TRPC6: variants seen among roughly 807,000 people sequenced by gnomAD.
The protein encoded by TRPC6 is transient receptor potential cation channel subfamily C member 6.
A neutral mutation model predicts 90.7 loss-of-function variants in TRPC6; 55 were observed. That is an observed-to-expected ratio of 0.61 (90% CI 0.49 to 0.76). The LOEUF (loss-of-function observed/expected upper bound fraction) is 0.76, where lower values mean the gene tolerates loss of function less well. TRPC6 is among the 30% of genes least tolerant of loss of function. TRPC6 has a pLI of 0.00. For synonymous variants in TRPC6, 393 were observed against 393.0 expected (o/e 1.00, Z 0.00); for missense variants, 989 against 1,122.7 (o/e 0.88, Z 1.70).
In TRPC6 at chr11:101,476,306, T is replaced by C. The variant is rs201304687; in HGVS notation, c.1739A>G (p.Asn580Ser). 7.4e-6 allele frequency: 12 copies of C among 1,613,790 alleles called. No homozygotes were observed. The highest frequency in any genetic ancestry group is 9.3e-6 in the Non-Finnish European group (11 of 1,179,718). Residue 580 changes from asparagine (N) to serine (S), a missense_variant, in exon 6 of 13, where the codon AAT becomes AGT. Physicochemically the swap from Asn to Ser is conservative, Grantham distance 46. Coordinates refer to ENST00000344327, the MANE Select transcript of TRPC6 (RefSeq NM_004621.6). ...VTLGDNVKYY[N>S]LARIKWDPSD... ...TGACTGTACTGTAAACTCACCCAAA[T>C]TGTAGTATTTCACATTGTCTCCCAA... is the stretch of plus-strand genomic sequence containing the variant.
chr11:101,527,557 G>T (rs995492545), intron 1 of TRPC6, among the ~76,000 whole-genome samples: 2 of 152,086 alleles, frequency 1.3e-5, no homozygotes, highest in African/African-American at 2.4e-5. Context: ...TGTGTGGTTG[G>T]GGGGTGGTGT....
chr11:101,472,048 A>G (rs1433000316), intron 8 of TRPC6, 89 bp downstream of exon 8: 7 of 1,289,106 alleles, frequency 5.4e-6, no homozygotes, highest in Admixed American at 5.1e-5. Context: ...GGCGAAGAGC[A>G]GTCCATGCTT....
intron 1 of TRPC6, among the ~76,000 whole-genome samples, chr11:101,571,781 A>G (rs1432231153): frequency 1.3e-5 from 2 of 152,226 alleles, no homozygotes; most frequent in Non-Finnish European, 2.9e-5. Context: ...AGGATTCCCT[A>G]TTTAATAAAT....
chr11:101,555,314 C>T (rs1216192449), intron 1 of TRPC6, among the ~76,000 whole-genome samples: 1 of 152,220 alleles, frequency 6.6e-6, no homozygotes, highest in African/African-American at 2.4e-5. Context: ...TTCTTTTCAA[C>T]TTTGCCACAT....
intron 1 of TRPC6, among the ~76,000 whole-genome samples, chr11:101,560,008 A>G (rs575261926): frequency 5.9e-5 from 9 of 152,196 alleles, no homozygotes; most frequent in Middle Eastern, 3.4e-3. Context: ...TGAAAAAGTA[A>G]TATCTGTCAG....
chr11:101,536,410 A>G (rs912209722), intron 1 of TRPC6, among the ~76,000 whole-genome samples: 1 of 45,552 alleles, frequency 2.2e-5, no homozygotes, highest in Non-Finnish European at 5.9e-5. Context: ...CCCCCCCACC[A>G]AAAAAAAAGA....
chr11:101,525,628 G>A (rs1006787169), intron 1 of TRPC6, among the ~76,000 whole-genome samples: 6 of 152,300 alleles, frequency 3.9e-5, no homozygotes, highest in East Asian at 3.9e-4. Flanking sequence ...AAGAGAGAAC[G>A]TAACACGTTT....
At chr11:101,488,830 T>C (rs1006859072) in intron 4 of TRPC6, 107 bp downstream of exon 4, 2 of 1,264,924 alleles carry the variant, frequency 1.6e-6, no homozygotes, top group African/African-American at 1.5e-5. Flanking sequence ...TAAAGATTAC[T>C]GAAACCCAAC....
intron 1 of TRPC6, among the ~76,000 whole-genome samples, chr11:101,581,251 C>G (rs1205181329): frequency 6.6e-6 from 1 of 152,156 alleles, no homozygotes; most frequent in Non-Finnish European, 1.5e-5. Flanking sequence ...GGAATATTCA[C>G]TAAATACTGC....
Position 101,452,818 on chromosome 11 carries a change from C to T in TRPC6, c.*137G>A. On this transcript the variant is annotated 3_prime_UTR_variant, in exon 13 of 13. Coordinates refer to ENST00000344327, the MANE Select transcript of TRPC6 (RefSeq NM_004621.6). ...CCAAAAAAATTAGATACTAGGGCTC[C>T]AGATGATAGGATGGCCCAAGTTATT... The T allele has an allele frequency of 1.0e-6, 1 of 980,394 alleles. No individual in the cohort carries two copies. Among genetic ancestry groups the T allele is most frequent in the African/African-American group, 1.6e-5 (1 of 61,244 alleles). The allele number at this position is 980,394 out of a possible 1,614,324, so 60.7% of individuals were successfully genotyped here.
chr11:101,513,530 A>C (rs889798139), intron 1 of TRPC6, among the ~76,000 whole-genome samples: 2 of 152,174 alleles, frequency 1.3e-5, no homozygotes, highest in African/African-American at 4.8e-5. Context: ...AAAGATTTTA[A>C]ACTACTAGAG....
rs767327382 is a variant in TRPC6 at position 101,583,381 on chromosome 11, G to C, written c.123C>G (p.Asp41Glu). The C allele has an allele frequency of 1.3e-6, 2 of 1,593,290 alleles. No homozygotes were observed. Among genetic ancestry groups the C allele is most frequent in the East Asian group, 2.3e-5 (1 of 43,576 alleles). Residue 41 changes from aspartate (D) to glutamate (E), a missense_variant, in exon 1 of 13, where the codon GAC (aspartate) becomes GAG (glutamate). This residue lies in a region of TRPC6 where 194 missense variants were observed against 136.5 expected (regional missense o/e 1.42). Coordinates refer to ENST00000344327, the MANE Select transcript of TRPC6 (RefSeq NM_004621.6). ...AAGGCAGCGGGGCTTGCGGGCAGCC[G>C]TCTTCTCCCAGCTCCGAGTCCATGA... is the stretch of plus-strand genomic sequence containing the variant. ...YLLMDSELGE[D>E]GCPQAPLPCY...
At chr11:101,493,133 G>A (rs1388147962) in intron 2 of TRPC6, among the ~76,000 whole-genome samples, 3 of 152,038 alleles carry the variant, frequency 2.0e-5, no homozygotes, top group Non-Finnish European at 4.4e-5. Context: ...ATAACCAAAT[G>A]CTAATCAAGA....
At chr11:101,491,836 CTTTTT>C (rs71056611) in intron 2 of TRPC6, 98 bp from the exon 3 acceptor site, 725 of 443,364 alleles carry the variant, frequency 1.6e-3, no homozygotes, top group East Asian at 3.5e-3. Context: ...GAGAAACATT[CTTTTT>C]TTTTTTTTTT....
At chr11:101,538,508 TGCCTTAATCCCTGG>T (rs1261324962) in intron 1 of TRPC6, among the ~76,000 whole-genome samples, 2 of 152,202 alleles carry the variant, frequency 1.3e-5, no homozygotes, top group Non-Finnish European at 1.5e-5. Flanking sequence ...AAGATGTCTG[TGCCTTAATCCCTGG>T]AACCTGTAAG....
At chr11:101,486,945 A>C (rs1859691752) in intron 4 of TRPC6, among the ~76,000 whole-genome samples, 1 of 152,160 alleles carries the variant, frequency 6.6e-6, no homozygotes, top group Non-Finnish European at 1.5e-5. Flanking sequence ...ATAGGAGAAA[A>C]AAAATACCTT....
intron 2 of TRPC6, among the ~76,000 whole-genome samples, chr11:101,501,784 A>T (rs867038707): frequency 6.6e-6 from 1 of 152,316 alleles, no homozygotes; most frequent in Middle Eastern, 3.4e-3. Context: ...CTCCTTGTGC[A>T]GTAATTTTGA....
At chr11:101,520,340 G>A (rs747081592) in intron 1 of TRPC6, among the ~76,000 whole-genome samples, 10 of 152,110 alleles carry the variant, frequency 6.6e-5, no homozygotes, top group East Asian at 5.8e-4. Context: ...CTCCTCAGCC[G>A]TGTTCCCTGT....
At chr11:101,511,256 C>T (rs528878306) in intron 1 of TRPC6, among the ~76,000 whole-genome samples, 2 of 152,268 alleles carry the variant, frequency 1.3e-5, no homozygotes, top group South Asian at 4.1e-4. Context: ...ACTACTTAAT[C>T]TCTGGGCACA....
Sources: allele counts gnomAD v4.1 joint callset (sites outside exome capture counted in the v4.1 genomes callset), GRCh38; gene constraint gnomAD v4.1.1; regional missense constraint gnomAD v4.1.1; transcripts MANE v1.5; gene names NCBI Gene and HGNC (gene_info 2026-07-23, HGNC 2026-07-21).